The following RIT2 variants were observed in gnomAD, a reference collection of about 807,000 sequenced individuals.
RIT2 encodes GTP-binding protein Rit2.
Under a neutral mutation model 23.7 loss-of-function variants are expected in RIT2, and 24 were observed. The ratio of observed to expected loss-of-function variants is 1.01; its 90% CI spans 0.73 to 1.43. The LOEUF is 1.43. Among genes scored for constraint, RIT2 ranks in the 40% most tolerant of loss-of-function variants. The probability of loss-of-function intolerance (pLI) is 0.00; values close to 1 mark genes in which losing one functional copy is unlikely to be tolerated. For synonymous variants in RIT2, 107 were observed against 91.1 expected (o/e 1.17, Z -0.99); for missense variants, 236 against 266.9 (o/e 0.88, Z 0.81).
At chr18:43,113,338 T>A (rs1226688957) in intron 1 of RIT2, among the ~76,000 whole-genome samples, 1 of 152,178 alleles carries the variant, frequency 6.6e-6, no homozygotes, top group Non-Finnish European at 1.5e-5. Context: ...GGTTGCCATT[T>A]ATATATAATC....
intron 4 of RIT2, among the ~76,000 whole-genome samples, chr18:42,806,245 G>A (rs745454309): frequency 1.3e-5 from 2 of 151,590 alleles, no homozygotes; most frequent in Non-Finnish European, 2.9e-5. Flanking sequence ...GAGACAGGAG[G>A]AACACTTGAG....
intron 4 of RIT2, among the ~76,000 whole-genome samples, chr18:42,813,993 C>A (rs1250245072): frequency 2.6e-5 from 4 of 152,138 alleles, no homozygotes; most frequent in African/African-American, 7.2e-5. Context: ...AAGATTCTAA[C>A]CCTACCTGGA....
chr18:42,955,357 G>A (rs1329059648), intron 3 of RIT2, among the ~76,000 whole-genome samples: 1 of 152,158 alleles, frequency 6.6e-6, no homozygotes, highest in Non-Finnish European at 1.5e-5. Context: ...GTGATACCAG[G>A]CTGATATGAA....
At position 42,923,611 on chromosome 18, in the gene RIT2, C is replaced by T. The variant is rs1439999684; in HGVS notation, c.387G>A (p.Val129=). 3 of 1,613,408 alleles carry T rather than the reference C, an allele frequency of 1.9e-6. No homozygotes were observed. Among genetic ancestry groups the T allele is most frequent in the Non-Finnish European group, 1.7e-6 (2 of 1,179,604 alleles). ...CCAGATCAATTTTGTTACCCACCAG[C>T]ACCAGGGGAATTTCATAGGTGTGGC... ...QVRHTYEIPL[V]LVGNKIDLEQ... is the part of the protein sequence containing the mutation. The change falls in exon 4 of 5, where the codon GTG becomes GTA. Residue 129 remains valine, a synonymous_variant. Coordinates refer to ENST00000326695, the MANE Select transcript of RIT2 (RefSeq NM_002930.4).
At chr18:42,949,345 T>A (rs1909796849) in intron 3 of RIT2, among the ~76,000 whole-genome samples, 1 of 152,066 alleles carries the variant, frequency 6.6e-6, no homozygotes, top group African/African-American at 2.4e-5. Flanking sequence ...GCAATGGACA[T>A]ATGCATACCA....
intron 4 of RIT2, among the ~76,000 whole-genome samples, chr18:42,754,014 G>T (rs1173875936): frequency 6.6e-6 from 1 of 152,190 alleles, no homozygotes; most frequent in Non-Finnish European, 1.5e-5. Context: ...ATTCTTGACA[G>T]ATCAGAGTGT....
intron 1 of RIT2, among the ~76,000 whole-genome samples, chr18:43,038,204 CA>C (rs34072626): frequency 1.2e-4 from 14 of 119,704 alleles, no homozygotes; most frequent in Admixed American, 3.5e-4. Context: ...GACTCTGTCT[CA>C]AAAAAAAAAA....
intron 1 of RIT2, among the ~76,000 whole-genome samples, chr18:43,042,170 A>G (rs1317825824): frequency 6.6e-6 from 1 of 152,050 alleles, no homozygotes; most frequent in Non-Finnish European, 1.5e-5. Context: ...ATTTAGCCCC[A>G]TTTGTCTTGG....
intron 4 of RIT2, among the ~76,000 whole-genome samples, chr18:42,922,658 A>G (rs771426094): frequency 6.6e-6 from 1 of 152,136 alleles, no homozygotes; most frequent in Non-Finnish European, 1.5e-5. Flanking sequence ...TAGTTCGGCC[A>G]TCTGTTATTG....
intron 4 of RIT2, among the ~76,000 whole-genome samples, chr18:42,778,542 A>G (rs1913732461): frequency 6.6e-6 from 1 of 152,202 alleles, no homozygotes; most frequent in South Asian, 2.1e-4. Context: ...TTTTAACAGA[A>G]AAATGATAAC....
At chr18:43,115,304 T>G in intron 1 of RIT2, 113 bp downstream of exon 1, 1 of 1,368,516 alleles carries the variant, frequency 7.3e-7, no homozygotes. Context: ...ATACTCTGTG[T>G]TTAACTGCCA....
At chr18:43,067,731 A>G (rs1318538833) in intron 1 of RIT2, among the ~76,000 whole-genome samples, 1 of 152,116 alleles carries the variant, frequency 6.6e-6, no homozygotes. Flanking sequence ...ATCAGACTTA[A>G]GGTCTATGTT....
intron 4 of RIT2, among the ~76,000 whole-genome samples, chr18:42,790,390 A>C (rs1032589708): frequency 1.3e-5 from 2 of 152,248 alleles, no homozygotes; most frequent in African/African-American, 2.4e-5. Context: ...TAATACAGAA[A>C]AAAACATTGG....
chr18:43,017,060 A>T (rs1206569503), intron 2 of RIT2, among the ~76,000 whole-genome samples: 1 of 151,970 alleles, frequency 6.6e-6, no homozygotes, highest in Non-Finnish European at 1.5e-5. Context: ...CAACTTCTAA[A>T]TATATGGCAC....
chr18:42,865,973 G>T (rs1310513421), intron 4 of RIT2, among the ~76,000 whole-genome samples: 4 of 152,210 alleles, frequency 2.6e-5, no homozygotes, highest in African/African-American at 9.6e-5. Flanking sequence ...TTCTTTTTCT[G>T]TGATACCATC....
intron 4 of RIT2, among the ~76,000 whole-genome samples, chr18:42,830,133 G>A (rs1906414748): frequency 6.6e-6 from 1 of 152,158 alleles, no homozygotes; most frequent in Admixed American, 6.5e-5. Flanking sequence ...CTAATGTAAT[G>A]GGCAGAATTT....
intron 1 of RIT2, among the ~76,000 whole-genome samples, chr18:43,114,937 C>A (rs1914033642): frequency 6.6e-6 from 1 of 152,138 alleles, no homozygotes; most frequent in Non-Finnish European, 1.5e-5. Flanking sequence ...CCATGTCAGA[C>A]TACAGATGAG....
At chr18:42,909,608 C>T (rs140348392) in intron 4 of RIT2, among the ~76,000 whole-genome samples, 8 of 151,326 alleles carry the variant, frequency 5.3e-5, no homozygotes, top group East Asian at 3.9e-4. Context: ...CAGAAATCAC[C>T]GCTAAAGAAC....
intron 4 of RIT2, among the ~76,000 whole-genome samples, chr18:42,882,219 T>C (rs1329764160): frequency 2.0e-5 from 3 of 152,220 alleles, no homozygotes; most frequent in Admixed American, 6.5e-5. Context: ...ACTGAAGATA[T>C]CAAATTAGAG....
Sources: gnomAD v4.1 joint callset for allele counts (sites outside exome capture counted in the v4.1 genomes callset) on GRCh38, gnomAD v4.1.1 for gene constraint, MANE v1.5 for transcripts, NCBI Gene and HGNC (gene_info 2026-07-23, HGNC 2026-07-21) for gene names.